EFR3B: variants seen among roughly 807,000 people sequenced by gnomAD.
EFR3B encodes the protein protein EFR3 homolog B.
In EFR3B, 64 loss-of-function variants were observed where a neutral mutation model predicts 104.7. The ratio of observed to expected loss-of-function variants is 0.61; its 90% CI spans 0.50 to 0.75. The LOEUF is 0.75. Ranked by LOEUF, EFR3B falls within the 30% of genes least tolerant of loss-of-function variation. EFR3B has a pLI of 0.00. For missense variants in EFR3B, 750 were observed against 1,078.5 expected (o/e 0.70, Z 4.27); for synonymous variants, 385 against 417.9 (o/e 0.92, Z 0.96).
At chr2:25,139,486 C>A (rs1670604443) in intron 16 of EFR3B, among the ~76,000 whole-genome samples, 1 of 148,060 alleles carries the variant, frequency 6.8e-6, no homozygotes, top group South Asian at 2.2e-4. Context: ...GGAGCACACC[C>A]GCACACATGC....
intron 1 of EFR3B, chr2:25,081,381 A>G: frequency 9.5e-7 from 1 of 1,047,666 alleles, no homozygotes. Context: ...ACTCATAGTT[A>G]CAGTTTATCC....
intron 20 of EFR3B, 110 bp downstream of exon 20, chr2:25,149,852 C>A: frequency 1.0e-6 from 1 of 999,228 alleles, no homozygotes. Flanking sequence ...GGATCCAGCA[C>A]CTGCGTGAAG....
At chr2:25,067,549 C>G (rs34515472) in intron 1 of EFR3B, among the ~76,000 whole-genome samples, 13,900 of 152,020 alleles carry the variant, frequency 0.091, 865 homozygotes, top group East Asian at 0.24. Flanking sequence ...ATTCTCCTGC[C>G]TGAGCCTCCC....
chr2:25,061,415 G>C (rs1668190773), intron 1 of EFR3B, among the ~76,000 whole-genome samples: 1 of 150,180 alleles, frequency 6.7e-6, no homozygotes, highest in Non-Finnish European at 1.5e-5. Context: ...GCCCAACCTG[G>C]AGTTTGATTT....
chr2:25,092,828 A>G (rs1669168261), intron 2 of EFR3B, among the ~76,000 whole-genome samples, 175 bp from the exon 3 acceptor site: 1 of 152,244 alleles, frequency 6.6e-6, no homozygotes, highest in Non-Finnish European at 1.5e-5. Context: ...GCGTGAGCCT[A>G]TAACTAAAAC....
In EFR3B at chr2:25,131,466, G is replaced by C. The variant is rs1188990786; in HGVS notation, c.948G>C (p.Leu316Phe). 3 of 1,550,408 alleles carry C rather than the reference G, an allele frequency of 1.9e-6. No individual in the cohort carries two copies. The highest frequency in any genetic ancestry group is 2.0e-5 in the Admixed American group (1 of 51,004). ...TGCGCGCGGGCATCGTGGAAGTCTT[G>C]TCGGAAGCCGCGGTCATCGCTGCCA... Reference protein sequence around the residue: ...ATVRAGIVEVLSEAAVIAATG... With the variant: ...ATVRAGIVEVFSEAAVIAATG... The change falls in exon 9 of 23, where the codon TTG becomes TTC. Residue 316 changes from leucine to phenylalanine, a missense_variant. By Grantham distance (22) the Leu-to-Phe change is conservative. Transcript: ENST00000403714. This position sits in a 1 kb window ranked among gnomAD's most constrained non-coding sequence, Gnocchi z 7.6.
At chr2:25,117,051 G>A (rs960197209) in intron 4 of EFR3B, among the ~76,000 whole-genome samples, 1 of 152,124 alleles carries the variant, frequency 6.6e-6, no homozygotes, top group African/African-American at 2.4e-5. Context: ...GTCCTATGGC[G>A]CCACGGCTCG....
Position 25,131,941 on chromosome 2 carries a change from C to T in EFR3B, c.1147+30C>T. 1 of 223,606 alleles carries T rather than the reference C, an allele frequency of 4.5e-6. No individual in the cohort carries two copies. The highest frequency in any genetic ancestry group is 8.8e-5 in the South Asian group (1 of 11,416). 13.9% of individuals were successfully genotyped at this position (223,606 alleles called of 1,614,324 possible). On this transcript the variant is annotated intron_variant, in intron 10 of 22. Transcript: ENST00000403714. This position sits in a 1 kb window ranked among gnomAD's most constrained non-coding sequence, Gnocchi z 7.6. ...GGCGCGGGGCCGGGCCGGGGCGGGG[C>T]GGGGCCGAGGCGCGGAGTGGGGAGG... is the stretch of plus-strand genomic sequence containing the variant.
At chr2:25,148,513 C>T (rs1311995147) in intron 19 of EFR3B, among the ~76,000 whole-genome samples, 1 of 151,900 alleles carries the variant, frequency 6.6e-6, no homozygotes, top group African/African-American at 2.4e-5. Flanking sequence ...CCTCAGCCTC[C>T]CAAAGTGCTG....
intron 1 of EFR3B, among the ~76,000 whole-genome samples, chr2:25,070,747 G>T (rs1573179413): frequency 6.6e-6 from 1 of 152,188 alleles, no homozygotes; most frequent in Non-Finnish European, 1.5e-5. Flanking sequence ...AAGGGAGAGA[G>T]GCGGGGTGGC....
At chr2:25,065,226 G>C (rs1668300613) in intron 1 of EFR3B, among the ~76,000 whole-genome samples, 1 of 152,084 alleles carries the variant, frequency 6.6e-6, no homozygotes, top group South Asian at 2.1e-4. Context: ...TGTCACCCCA[G>C]TAGGAATTCA....
In EFR3B at chr2:25,103,559, A is replaced by C. The variant is rs1573204738; in HGVS notation, c.213-78A>C. The C allele has an allele frequency of 6.0e-6, 9 of 1,501,254 alleles. No homozygotes were observed. The East Asian group carries it at 2.2e-4, about 37-fold the overall frequency. 93.0% of individuals were successfully genotyped at this position (1,501,254 alleles called of 1,614,324 possible). On this transcript the variant is annotated intron_variant, in intron 3 of 22. Coordinates refer to ENST00000403714, the MANE Select transcript of EFR3B (RefSeq NM_014971.2). ...GATGCTGCATTGCCCAGGTCACCAC[A>C]CTGACACCTTGCATGCCCTGGTTGG...
chr2:25,144,813 T>C (rs1558620222), intron 18 of EFR3B, 147 bp from the exon 19 acceptor site: 1 of 638,376 alleles, frequency 1.6e-6, no homozygotes, highest in Non-Finnish European at 2.7e-6. Flanking sequence ...GAAGCTTCTA[T>C]AAACTCCAAG....
chr2:25,085,676 G>C (rs1399155088), intron 1 of EFR3B, among the ~76,000 whole-genome samples: 1 of 151,858 alleles, frequency 6.6e-6, no homozygotes, highest in Non-Finnish European at 1.5e-5. Context: ...TGTTGGCCAG[G>C]CTGGTCTCGA....
Position 25,157,123 on chromosome 2 carries a change from T to G in EFR3B, c.*2783T>G, listed in dbSNP as rs1671195919. 6.6e-6 allele frequency: 1 copy of G among 152,254 alleles called. No homozygotes were observed. The highest frequency in any genetic ancestry group is 2.4e-5 in the African/African-American group (1 of 41,470). 9.4% of individuals were successfully genotyped at this position (152,254 alleles called of 1,614,324 possible). ...GGTTCCCATTCTGCATAGATTCTGC[T>G]GTTTCCTCTCCACCGGTCCCAGGCA... On this transcript the variant is annotated 3_prime_UTR_variant, in exon 23 of 23. Coordinates refer to ENST00000403714, the MANE Select transcript of EFR3B (RefSeq NM_014971.2).
chr2:25,077,867 G>C lies in EFR3B; in HGVS notation c.8-13458G>C, dbSNP rs1372980082. On this transcript the variant is annotated intron_variant, in intron 1 of 22. Transcript: ENST00000403714. ...GCAAGGAAAAGGGGAAAAGAAAAGA[G>C]GGAACCTTTTTGTTTTTCTTAAAAT... Among the ~76,000 whole-genome samples the C allele has an allele frequency of 8.5e-5, 13 of 152,272 alleles. No individual in the cohort carries two copies. The East Asian group carries it at 2.5e-3, about 29-fold the overall frequency.
intron 3 of EFR3B, 30 bp from the exon 4 acceptor site, chr2:25,103,607 G>A (rs1328709886): frequency 6.5e-7 from 1 of 1,539,846 alleles, no homozygotes; most frequent in East Asian, 2.5e-5. Context: ...CAGGGGCGCG[G>A]CCAGTGACGG....
intron 1 of EFR3B, chr2:25,081,126 C>T (rs780868891): frequency 2.0e-5 from 14 of 689,530 alleles, no homozygotes; most frequent in African/African-American, 3.5e-5. Flanking sequence ...AGGGTATTTT[C>T]GCTTCAGTGC....
chr2:25,045,418 C>T (rs1667687576), intron 1 of EFR3B, among the ~76,000 whole-genome samples: 1 of 152,208 alleles, frequency 6.6e-6, no homozygotes, highest in African/African-American at 2.4e-5. Flanking sequence ...AGCATTTTTA[C>T]TGGGGTGGGA....
Sources: allele counts gnomAD v4.1 joint callset (sites outside exome capture counted in the v4.1 genomes callset), GRCh38; gene constraint gnomAD v4.1.1; non-coding constraint Gnocchi (gnomAD v3.1); transcripts MANE v1.5; gene names NCBI Gene and HGNC (gene_info 2026-07-23, HGNC 2026-07-21).